DAPK1: variants seen among roughly 807,000 people sequenced by gnomAD.
DAPK1 encodes death-associated protein kinase 1.
A neutral mutation model predicts 144.9 loss-of-function variants in DAPK1; 56 were observed. The observed-to-expected ratio is 0.39, with a 90% CI of 0.31 to 0.48. The LOEUF (loss-of-function observed/expected upper bound fraction) is 0.48, where lower values mean the gene tolerates loss of function less well. Among genes scored for constraint, DAPK1 ranks in the 20% least tolerant of loss-of-function variants. The pLI is 0.95. For synonymous variants in DAPK1, 690 were observed against 749.0 expected (o/e 0.92, Z 1.29); for missense variants, 1,454 against 1,875.4 (o/e 0.78, Z 4.15).
chr9:87,532,488 T>A (rs1825731675), intron 2 of DAPK1, among the ~76,000 whole-genome samples: 1 of 152,242 alleles, frequency 6.6e-6, no homozygotes, highest in African/African-American at 2.4e-5. Context: ...CCCTGGTTTA[T>A]ATCATTAGGG....
intron 2 of DAPK1, among the ~76,000 whole-genome samples, chr9:87,536,704 T>C (rs1825872552): frequency 6.6e-6 from 1 of 152,216 alleles, no homozygotes; most frequent in African/African-American, 2.4e-5. Flanking sequence ...ATTATCTTGT[T>C]TCTTTTGCGT....
chr9:87,617,218 G>A (rs1829127690), intron 3 of DAPK1, among the ~76,000 whole-genome samples: 1 of 152,206 alleles, frequency 6.6e-6, no homozygotes, highest in Non-Finnish European at 1.5e-5. Flanking sequence ...TTAAAAGGGA[G>A]TACATTTTTT....
intron 2 of DAPK1, among the ~76,000 whole-genome samples, chr9:87,539,562 T>A (rs970060652): frequency 3.3e-5 from 5 of 151,620 alleles, no homozygotes; most frequent in African/African-American, 1.2e-4. Context: ...GGATTACGGG[T>A]GCCTGCCACC....
intron 2 of DAPK1, among the ~76,000 whole-genome samples, chr9:87,589,624 T>C (rs560697026): frequency 1.3e-5 from 2 of 152,322 alleles, no homozygotes; most frequent in Admixed American, 6.5e-5. Context: ...TTCATTTCTT[T>C]GAACCCAAAT....
chr9:87,544,358 T>C (rs1826160545), intron 2 of DAPK1, among the ~76,000 whole-genome samples: 1 of 152,224 alleles, frequency 6.6e-6, no homozygotes, highest in African/African-American at 2.4e-5. Flanking sequence ...AGTTAATAAA[T>C]GCTTTTTGAC....
At chr9:87,610,531 T>G (rs1165245395) in intron 3 of DAPK1, among the ~76,000 whole-genome samples, 1 of 152,282 alleles carries the variant, frequency 6.6e-6, no homozygotes, top group East Asian at 1.9e-4. Context: ...TTTCCATTCC[T>G]AAACTTGCTG....
rs34369093 is a variant in DAPK1 at position 87,539,430 on chromosome 9, C to CTT, written c.62+40307_62+40308dup. ...CAATTTATAAGTTTTAAATTTCTCA[C>CTT]TTTTTTTTTTTTTTTTTGAGACAGA... On this transcript the variant is annotated intron_variant, in intron 2 of 25. Transcript: ENST00000408954. Among the ~76,000 whole-genome samples, 1,088 of 129,228 alleles carry CTT rather than the reference C, an allele frequency of 8.4e-3. 71 individuals are homozygous for CTT. The highest frequency in any genetic ancestry group is 0.025 in the African/African-American group (872 of 34,496). 84.8% of individuals were successfully genotyped at this position (129,228 alleles called of 152,430 possible).
At chr9:87,550,629 C>T (rs1826442552) in intron 2 of DAPK1, among the ~76,000 whole-genome samples, 1 of 152,222 alleles carries the variant, frequency 6.6e-6, no homozygotes, top group East Asian at 1.9e-4. Flanking sequence ...TAACTAATGA[C>T]ATCTACAATG....
chr9:87,649,993 G>A lies in DAPK1; in HGVS notation c.1501G>A (p.Gly501Ser), dbSNP rs200488258. 4.0e-5 allele frequency: 64 copies of A among 1,614,014 alleles called. No individual in the cohort carries two copies. The highest frequency in any genetic ancestry group is 3.0e-4 in the Admixed American group (18 of 59,994). ...TGTGGCCAAAGCCCTTTGTGAAGCC[G>A]GCTGTAACGTGAACATCAAGAACCG... ...YSVAKALCEA[G>S]CNVNIKNREG... The change falls in exon 16 of 26, where the codon GGC (glycine) becomes AGC (serine). Residue 501 changes from glycine to serine, a missense_variant. Gly to Ser is a moderately conservative substitution (Grantham distance 56). Coordinates refer to ENST00000408954, the MANE Select transcript of DAPK1 (RefSeq NM_004938.4).
chr9:87,580,323 C>T (rs533241000), intron 2 of DAPK1, among the ~76,000 whole-genome samples: 1 of 152,172 alleles, frequency 6.6e-6, no homozygotes, highest in Admixed American at 6.5e-5. Context: ...TGGATAGTGA[C>T]CCCCAAACAT....
intron 2 of DAPK1, among the ~76,000 whole-genome samples, chr9:87,544,003 A>G (rs575980403): frequency 2.6e-5 from 4 of 152,322 alleles, no homozygotes; most frequent in African/African-American, 7.2e-5. Context: ...CAGGGATTCA[A>G]TCTATGAAAT....
At chr9:87,627,263 G>T (rs1374704582) in intron 3 of DAPK1, among the ~76,000 whole-genome samples, 1 of 152,156 alleles carries the variant, frequency 6.6e-6, no homozygotes, top group Non-Finnish European at 1.5e-5. Flanking sequence ...CTGGCCTCAG[G>T]TCCCCTTGAC....
rs1041348670 is a variant in DAPK1 at position 87,681,431 on chromosome 9, C to T, written c.2029C>T (p.Gln677Ter). 1 of 1,612,070 alleles carries T rather than the reference C, an allele frequency of 6.2e-7. No individual in the cohort carries two copies. Among genetic ancestry groups the T allele is most frequent in the Non-Finnish European group, 8.5e-7 (1 of 1,178,230 alleles). ...KDTHRGLFIQ[Q>*]LRPTQNLQPR... ...TACGCACCGAGGACTCTTCATCCAGCAGCTCCGACCCACACAGAACCTGCA... is the reference window on the plus strand; with the variant it reads ...TACGCACCGAGGACTCTTCATCCAGTAGCTCCGACCCACACAGAACCTGCA... Residue 677 changes from glutamine (Q) to a stop codon, truncating the protein, a stop_gained, in exon 20 of 26, where the codon CAG becomes TAG. Transcript: ENST00000408954. LOFTEE classifies it high-confidence loss of function.
intron 2 of DAPK1, among the ~76,000 whole-genome samples, chr9:87,501,876 A>C (rs1394429870): frequency 1.3e-5 from 2 of 152,212 alleles, no homozygotes; most frequent in Non-Finnish European, 2.9e-5. Flanking sequence ...CCCTGGTCCA[A>C]AACCTGGCTC....
chr9:87,536,312 T>C (rs959521439), intron 2 of DAPK1, among the ~76,000 whole-genome samples: 2 of 152,198 alleles, frequency 1.3e-5, no homozygotes, highest in Non-Finnish European at 2.9e-5. Flanking sequence ...GTAGAAGGTG[T>C]AAGTCTTGGT....
chr9:87,607,500 A>AAC (rs1351026237), intron 3 of DAPK1, among the ~76,000 whole-genome samples: 1 of 152,154 alleles, frequency 6.6e-6, no homozygotes, highest in Non-Finnish European at 1.5e-5. Context: ...TTGTGCATTC[A>AAC]ACATCTGTTG....
At chr9:87,512,575 T>C (rs1206977328) in intron 2 of DAPK1, among the ~76,000 whole-genome samples, 2 of 152,148 alleles carry the variant, frequency 1.3e-5, no homozygotes, top group Non-Finnish European at 2.9e-5. Context: ...CACTTACATG[T>C]CTAAGTACTC....
At chr9:87,549,260 G>A (rs1826382579) in intron 2 of DAPK1, among the ~76,000 whole-genome samples, 1 of 152,110 alleles carries the variant, frequency 6.6e-6, no homozygotes, top group Non-Finnish European at 1.5e-5. Context: ...TCCCTGCAGA[G>A]GACATGATCT....
At chr9:87,565,906 T>C (rs761172157) in intron 2 of DAPK1, among the ~76,000 whole-genome samples, 2 of 152,188 alleles carry the variant, frequency 1.3e-5, no homozygotes, top group Non-Finnish European at 2.9e-5. Flanking sequence ...TTATTCCCTT[T>C]ATTTTGCCAG....
Sources: gnomAD v4.1 joint callset for allele counts (sites outside exome capture counted in the v4.1 genomes callset) on GRCh38, gnomAD v4.1.1 for gene constraint, MANE v1.5 for transcripts, NCBI Gene and HGNC (gene_info 2026-07-23, HGNC 2026-07-21) for gene names.